DLGAP2: variants seen among roughly 807,000 people sequenced by gnomAD.
DLGAP2 encodes the protein disks large-associated protein 2.
In DLGAP2, 26 loss-of-function variants were observed where a neutral mutation model predicts 100.3. The observed-to-expected ratio is 0.26, with a 90% CI of 0.19 to 0.36. DLGAP2 has a LOEUF of 0.36. Ranked by LOEUF, DLGAP2 falls within the 10% of genes least tolerant of loss-of-function variation. The probability of loss-of-function intolerance (pLI) is 1.00; values close to 1 mark genes in which losing one functional copy is unlikely to be tolerated. For synonymous variants in DLGAP2, 886 were observed against 630.1 expected (o/e 1.41, Z -6.08); for missense variants, 1,858 against 1,453.2 (o/e 1.28, Z -4.53).
intron 2 of DLGAP2, among the ~76,000 whole-genome samples, chr8:1,104,655 C>A (rs1355997494): frequency 6.6e-6 from 1 of 152,198 alleles, no homozygotes; most frequent in Non-Finnish European, 1.5e-5. Flanking sequence ...TGCAACCCCG[C>A]TTGGCAGAGG....
intron 6 of DLGAP2, among the ~76,000 whole-genome samples, chr8:1,590,782 C>A (rs561232476): frequency 5.3e-5 from 8 of 152,280 alleles, no homozygotes; most frequent in African/African-American, 1.7e-4. Flanking sequence ...ATTCCTTCCT[C>A]CCCATCCCGT....
At chr8:1,214,482 C>T (rs1463249) in intron 2 of DLGAP2, among the ~76,000 whole-genome samples, 15,103 of 152,226 alleles carry the variant, frequency 0.099, 1,568 homozygotes, top group African/African-American at 0.27. Flanking sequence ...CACCACTTTA[C>T]GTAGGAGATG....
At chr8:1,489,402 C>T (rs964109459) in intron 3 of DLGAP2, among the ~76,000 whole-genome samples, 3 of 152,112 alleles carry the variant, frequency 2.0e-5, no homozygotes, top group Non-Finnish European at 4.4e-5. Flanking sequence ...GCAGTGGTGC[C>T]ATTATCTGTG....
intron 3 of DLGAP2, among the ~76,000 whole-genome samples, chr8:1,495,163 G>T (rs1190100631): frequency 6.6e-6 from 1 of 152,242 alleles, no homozygotes; most frequent in South Asian, 2.1e-4. Context: ...ATGGAGTCCT[G>T]TGGGTTCATC....
At chr8:805,789 G>A (rs370351107) in intron 1 of DLGAP2, among the ~76,000 whole-genome samples, 44 of 152,288 alleles carry the variant, frequency 2.9e-4, no homozygotes, top group East Asian at 9.7e-4. Flanking sequence ...CTCCCAAAGC[G>A]CAGGGATTAC....
intron 3 of DLGAP2, among the ~76,000 whole-genome samples, chr8:1,486,822 A>C (rs1799247098): frequency 6.6e-6 from 1 of 152,254 alleles, no homozygotes; most frequent in Admixed American, 6.5e-5. Context: ...AGTAAAACAC[A>C]TGCATTTATG....
intron 2 of DLGAP2, among the ~76,000 whole-genome samples, chr8:915,349 C>T (rs1052353746): frequency 7.2e-5 from 11 of 152,152 alleles, no homozygotes; most frequent in Non-Finnish European, 1.5e-5. Flanking sequence ...AGATCGGGAC[C>T]GTCCTGGCTA....
intron 6 of DLGAP2, among the ~76,000 whole-genome samples, chr8:1,570,007 A>G (rs372984661): frequency 2.4e-4 from 36 of 152,310 alleles, no homozygotes; most frequent in African/African-American, 8.7e-4. Context: ...GAGAGGAGAG[A>G]AAGGAAGAAA....
chr8:1,527,051 A>G (rs1584892590), intron 4 of DLGAP2, among the ~76,000 whole-genome samples: 1 of 151,590 alleles, frequency 6.6e-6, no homozygotes, highest in East Asian at 1.9e-4. Context: ...GCCCTATCCA[A>G]CCCTCTCCTG....
chr8:1,596,501 C>T (rs569550969), intron 6 of DLGAP2, among the ~76,000 whole-genome samples: 47 of 152,126 alleles, frequency 3.1e-4, no homozygotes, highest in Non-Finnish European at 5.9e-4. Flanking sequence ...AGTGTAAAAG[C>T]GTTCCTATTT....
intron 2 of DLGAP2, among the ~76,000 whole-genome samples, chr8:959,254 A>C (rs544160598): frequency 1.3e-5 from 2 of 152,362 alleles, no homozygotes; most frequent in African/African-American, 4.8e-5. Flanking sequence ...TAAGTGCAGC[A>C]GCTGGTGTTG....
chr8:1,187,953 G>A (rs1434702160), intron 2 of DLGAP2, among the ~76,000 whole-genome samples: 1 of 119,528 alleles, frequency 8.4e-6, no homozygotes, highest in African/African-American at 4.9e-5. Flanking sequence ...CTTCCGTGAC[G>A]TTTCCCTCAC....
intron 2 of DLGAP2, among the ~76,000 whole-genome samples, chr8:989,439 G>C (rs917399102): frequency 2.0e-5 from 3 of 152,174 alleles, no homozygotes; most frequent in Non-Finnish European, 4.4e-5. Context: ...GGCCTCTCCT[G>C]TGTCCTGGGC....
chr8:1,532,241 G>T (rs535804420), intron 4 of DLGAP2, among the ~76,000 whole-genome samples: 2 of 152,208 alleles, frequency 1.3e-5, no homozygotes, highest in South Asian at 2.1e-4. Flanking sequence ...CACATAACAT[G>T]GGGGAGGTCC....
At chr8:1,152,015 G>A (rs7831165) in intron 2 of DLGAP2, among the ~76,000 whole-genome samples, 44,566 of 152,104 alleles carry the variant, frequency 0.29, 7,260 homozygotes, top group African/African-American at 0.44. Context: ...CTAGCATTGA[G>A]CTATAGTTCA....
chr8:1,638,419 A>G (rs142813585), intron 8 of DLGAP2, among the ~76,000 whole-genome samples: 2,263 of 152,168 alleles, frequency 0.015, 22 homozygotes, highest in Middle Eastern at 0.041. Flanking sequence ...CAGTTTTCCC[A>G]GCGCCTTGGT....
At chr8:962,711 G>C (rs1417816021) in intron 2 of DLGAP2, among the ~76,000 whole-genome samples, 1 of 152,182 alleles carries the variant, frequency 6.6e-6, no homozygotes, top group Non-Finnish European at 1.5e-5. Context: ...AACCCTCCCT[G>C]GAGACATGAT....
chr8:1,585,674 C>T (rs1411132504), intron 6 of DLGAP2, among the ~76,000 whole-genome samples: 2 of 152,240 alleles, frequency 1.3e-5, no homozygotes, highest in African/African-American at 2.4e-5. Flanking sequence ...AGATGCGTCT[C>T]TGGAAAACCT....
chr8:1,008,819 T>G (rs1387464509), intron 2 of DLGAP2, among the ~76,000 whole-genome samples: 1 of 152,230 alleles, frequency 6.6e-6, no homozygotes, highest in Non-Finnish European at 1.5e-5. Flanking sequence ...GCATGGGAAC[T>G]GGGAGAGGGG....
Sources: allele counts gnomAD v4.1 joint callset (sites outside exome capture counted in the v4.1 genomes callset), GRCh38; gene constraint gnomAD v4.1.1; transcripts MANE v1.5; gene names NCBI Gene and HGNC (gene_info 2026-07-23, HGNC 2026-07-21).